The following ABHD13 variants were observed in gnomAD, a reference collection of about 807,000 sequenced individuals.
ABHD13 encodes abhydrolase domain containing 13.
ABHD13 carries 7 observed loss-of-function variants against 25.2 expected under a neutral mutation model. The ratio of observed to expected loss-of-function variants is 0.28; its 90% CI spans 0.16 to 0.52. ABHD13 has a LOEUF of 0.52. Ranked by LOEUF, ABHD13 falls within the 20% of genes least tolerant of loss-of-function variation. The pLI is 0.96. For missense variants in ABHD13, 302 were observed against 402.7 expected, an observed-to-expected ratio of 0.75 and a Z score of 2.14; for synonymous variants, 133 against 136.1, an observed-to-expected ratio of 0.98 and a Z score of 0.16.
At chr13:108,219,770 T>G (rs1879511111) in intron 1 of ABHD13, among the ~76,000 whole-genome samples, 1 of 152,178 alleles carries the variant, frequency 6.6e-6, no homozygotes, top group Non-Finnish European at 1.5e-5. Flanking sequence ...CACGTAAGTT[T>G]GCACAAACTA....
chr13:108,223,596 G>T (rs1879610750), intron 1 of ABHD13, among the ~76,000 whole-genome samples: 1 of 152,184 alleles, frequency 6.6e-6, no homozygotes, highest in African/African-American at 2.4e-5. Context: ...ACTCCAACAC[G>T]TGAGGCCACT....
At chr13:108,224,553 G>A (rs955039783) in intron 1 of ABHD13, among the ~76,000 whole-genome samples, 16 of 152,088 alleles carry the variant, frequency 1.1e-4, no homozygotes, top group South Asian at 8.3e-4. Flanking sequence ...GGAACCATTC[G>A]TGATCCTATA....
chr13:108,219,540 T>C (rs1324244868), intron 1 of ABHD13, among the ~76,000 whole-genome samples: 2 of 152,210 alleles, frequency 1.3e-5, no homozygotes, highest in African/African-American at 4.8e-5. Flanking sequence ...CAAATTTTAT[T>C]TTACTGTGTA....
At position 108,231,759 on chromosome 13, in the gene ABHD13, C is replaced by T. The variant is rs1879809013; in HGVS notation, c.*1527C>T. 1 of 166,740 alleles carries T rather than the reference C, an allele frequency of 6.0e-6. No homozygotes were observed. 10.3% of individuals were successfully genotyped at this position (166,740 alleles called of 1,614,324 possible). ...CAATAATCTTGACCTTAATTTAAAA[C>T]TTTCAATGGAGATAGGGCTAGAAAT... On this transcript the variant is annotated 3_prime_UTR_variant, in exon 2 of 2. Transcript: ENST00000375898.
rs369267173 is a variant in ABHD13 at position 108,230,564 on chromosome 13, GAT to G, written c.*335_*336del. 3.8e-4 allele frequency: 69 copies of G among 182,402 alleles called. No individual in the cohort carries two copies. The highest frequency in any genetic ancestry group is 7.3e-4 in the Non-Finnish European group (58 of 79,030). 11.3% of individuals were successfully genotyped at this position (182,402 alleles called of 1,614,324 possible). A position where few individuals can be genotyped will look rare whatever the true frequency, so the allele number is the denominator to read the frequency against. Reference sequence around the variant, plus strand: ...AGATGAATAGCTAGATGTGGAAAGAGATATGTAAACAAGAAACCTTTGGGTAT... The same window carrying G: ...AGATGAATAGCTAGATGTGGAAAGAGATGTAAACAAGAAACCTTTGGGTAT... On this transcript the variant is annotated 3_prime_UTR_variant, in exon 2 of 2. Transcript: ENST00000375898.
At chr13:108,219,154 C>T (rs1879481481) in intron 1 of ABHD13, among the ~76,000 whole-genome samples, 1 of 152,002 alleles carries the variant, frequency 6.6e-6, no homozygotes, top group Non-Finnish European at 1.5e-5. Context: ...AGGGAGAGCC[C>T]CGATCTAATC....
intron 1 of ABHD13, among the ~76,000 whole-genome samples, chr13:108,228,676 A>G (rs1348873075): frequency 2.0e-5 from 3 of 151,722 alleles, no homozygotes; most frequent in African/African-American, 7.3e-5. Context: ...AAAAATTGAC[A>G]AAGTATATTA....
At chr13:108,228,851 C>G (rs1011287306) in intron 1 of ABHD13, among the ~76,000 whole-genome samples, 5 of 151,530 alleles carry the variant, frequency 3.3e-5, no homozygotes, top group African/African-American at 1.2e-4. Context: ...ACTTATGCCC[C>G]TGAGCTTCTG....
rs980078630 is a variant in ABHD13 at position 108,232,274 on chromosome 13, T to G, written c.*2042T>G. On this transcript the variant is annotated 3_prime_UTR_variant, in exon 2 of 2. Coordinates refer to ENST00000375898, the MANE Select transcript of ABHD13 (RefSeq NM_032859.3). ...TACTCCAGGTTTATAAACTATCTTTTAAAATTTTAAGCCAGGACTTCAAAA... is the reference window on the plus strand; with the variant it reads ...TACTCCAGGTTTATAAACTATCTTTGAAAATTTTAAGCCAGGACTTCAAAA... The G allele has an allele frequency of 6.0e-6, 1 of 166,904 alleles. No individual in the cohort carries two copies. Among genetic ancestry groups the G allele is most frequent in the Non-Finnish European group, 1.5e-5 (1 of 68,012 alleles). 10.3% of individuals were successfully genotyped at this position (166,904 alleles called of 1,614,324 possible).
chr13:108,218,672 C>T lies in ABHD13; in HGVS notation c.-21+13C>T, dbSNP rs1279916352. 1 of 151,482 alleles carries T rather than the reference C, an allele frequency of 6.6e-6. No homozygotes were observed. The highest frequency in any genetic ancestry group is 2.4e-5 in the African/African-American group (1 of 41,288). 9.4% of individuals were successfully genotyped at this position (151,482 alleles called of 1,614,324 possible). On this transcript the variant is annotated intron_variant, in intron 1 of 1. Coordinates refer to ENST00000375898, the MANE Select transcript of ABHD13 (RefSeq NM_032859.3). ...TCCGCGAGTCTGAGTAAGTGCGGCT[C>T]GGGGACCCCGAGCCCGCGGGGCCCG... is the stretch of plus-strand genomic sequence containing the variant.
At position 108,220,620 on chromosome 13, in the gene ABHD13, T is replaced by A. The variant is rs189987842; in HGVS notation, c.-21+1961T>A. Among the ~76,000 whole-genome samples, 542 of 152,342 alleles carry A rather than the reference T, an allele frequency of 3.6e-3. 4 individuals are homozygous for A. The highest frequency in any genetic ancestry group is 5.5e-3 in the Non-Finnish European group (376 of 68,028). ...TGACAGATTTTGTAATACATTATTA[T>A]ATTTTATGTTTCTGTTTCACATGGT... is the stretch of plus-strand genomic sequence containing the variant. On this transcript the variant is annotated intron_variant, in intron 1 of 1. Coordinates refer to ENST00000375898, the MANE Select transcript of ABHD13 (RefSeq NM_032859.3).
In ABHD13 at chr13:108,233,330, A is replaced by G. The variant is rs35286748; in HGVS notation, c.*3098A>G. 0.045 allele frequency: 7,560 copies of G among 166,916 alleles called. 204 individuals carry two copies. The highest frequency in any genetic ancestry group is 0.11 in the East Asian group (557 of 5,182). 10.3% of individuals were successfully genotyped at this position (166,916 alleles called of 1,614,324 possible). On this transcript the variant is annotated 3_prime_UTR_variant, in exon 2 of 2. Transcript: ENST00000375898. ...GAGTGAAGGCCATATTTCATTTTTT[A>G]TAAATTATCTTTCAAGCTCAGATAG...
rs1166076669 is a variant in ABHD13 at position 108,233,418 on chromosome 13, A to G, written c.*3186A>G. On this transcript the variant is annotated 3_prime_UTR_variant, in exon 2 of 2. Coordinates refer to ENST00000375898, the MANE Select transcript of ABHD13 (RefSeq NM_032859.3). ...TTGAGGATAGGGATAGGTAAGGTAA[A>G]CTTGTAAAAAGGATGTCACAGAAGT... 6.0e-6 allele frequency: 1 copy of G among 166,826 alleles called. No homozygotes were observed. The highest frequency in any genetic ancestry group is 2.4e-5 in the African/African-American group (1 of 41,410). The allele number at this position is 166,826 out of a possible 1,614,324, so 10.3% of individuals were successfully genotyped here. A position where few individuals can be genotyped will look rare whatever the true frequency, so the allele number is the denominator to read the frequency against.
In ABHD13 at chr13:108,231,884, A is replaced by G. The variant is rs1879812472; in HGVS notation, c.*1652A>G. 1 of 166,866 alleles carries G rather than the reference A, an allele frequency of 6.0e-6. No homozygotes were observed. The highest frequency in any genetic ancestry group is 2.4e-5 in the African/African-American group (1 of 41,438). The allele number at this position is 166,866 out of a possible 1,614,324, so 10.3% of individuals were successfully genotyped here. A position where few individuals can be genotyped will look rare whatever the true frequency, so the allele number is the denominator to read the frequency against. On this transcript the variant is annotated 3_prime_UTR_variant, in exon 2 of 2. Transcript: ENST00000375898. ...TAAGAATGTTTTTCTATAAATTACT[A>G]ATTGTAAAAAGTCTTGCTTTTTAAA...
intron 1 of ABHD13, among the ~76,000 whole-genome samples, chr13:108,224,891 T>G (rs1879641588): frequency 6.6e-6 from 1 of 152,164 alleles, no homozygotes. Context: ...TGCAAAACCA[T>G]TCTTGTAAAA....
At chr13:108,222,221 A>G (rs1294129094) in intron 1 of ABHD13, among the ~76,000 whole-genome samples, 2 of 152,164 alleles carry the variant, frequency 1.3e-5, no homozygotes, top group African/African-American at 4.8e-5. Flanking sequence ...TTAAAATACA[A>G]TTTTTATTGT....
At position 108,231,897 on chromosome 13, in the gene ABHD13, C is replaced by T. The variant is rs1879812896; in HGVS notation, c.*1665C>T. On this transcript the variant is annotated 3_prime_UTR_variant, in exon 2 of 2. Transcript: ENST00000375898. ...CTATAAATTACTAATTGTAAAAAGTCTTGCTTTTTAAAACAAGTTGGTAAT... is the reference window on the plus strand; with the variant it reads ...CTATAAATTACTAATTGTAAAAAGTTTTGCTTTTTAAAACAAGTTGGTAAT... 6.0e-6 allele frequency: 1 copy of T among 166,686 alleles called. No individual in the cohort carries two copies. The highest frequency in any genetic ancestry group is 1.5e-5 in the Non-Finnish European group (1 of 67,928). The allele number at this position is 166,686 out of a possible 1,614,324, so 10.3% of individuals were successfully genotyped here. A position where few individuals can be genotyped will look rare whatever the true frequency, so the allele number is the denominator to read the frequency against.
chr13:108,229,442 G>A lies in ABHD13; in HGVS notation c.224G>A (p.Arg75His), dbSNP rs1183363120. The A allele has an allele frequency of 3.7e-6, 6 of 1,613,236 alleles. No homozygotes were observed. The highest frequency in any genetic ancestry group is 2.2e-5 in the East Asian group (1 of 44,878). The change falls in exon 2 of 2, where the codon CGT becomes CAT. Residue 75 changes from arginine to histidine, a missense_variant. Physicochemically the swap from Arg to His is conservative, Grantham distance 29 (BLOSUM62 0). Transcript: ENST00000375898. This position sits in a 1 kb window ranked among gnomAD's most constrained non-coding sequence, Gnocchi z 4.7. ...TTTCCAGAACAGCCATCCTCTTCAC[G>A]TCTTTATGTTCCCATGCCCACTGGC... ...LYFPEQPSSS[R>H]LYVPMPTGIP...
At chr13:108,223,547 C>T (rs1414430926) in intron 1 of ABHD13, among the ~76,000 whole-genome samples, 1 of 152,174 alleles carries the variant, frequency 6.6e-6, no homozygotes, top group Non-Finnish European at 1.5e-5. Flanking sequence ...GGATTATTCC[C>T]TCATTTACCG....
Sources: gnomAD v4.1 joint callset for allele counts (sites outside exome capture counted in the v4.1 genomes callset) on GRCh38, gnomAD v4.1.1 for gene constraint, Gnocchi (gnomAD v3.1) non-coding constraint, MANE v1.5 for transcripts, NCBI Gene and HGNC (gene_info 2026-07-23, HGNC 2026-07-21) for gene names.